DMD: variants seen among roughly 807,000 people sequenced by gnomAD.
DMD encodes the protein dystrophin.
DMD carries 63 observed loss-of-function variants against 330.1 expected under a neutral mutation model. The ratio of observed to expected loss-of-function variants is 0.19; its 90% CI spans 0.16 to 0.24. The LOEUF (loss-of-function observed/expected upper bound fraction) is 0.24. Ranked by LOEUF, DMD falls within the 10% of genes least tolerant of loss-of-function variation. DMD has a pLI of 1.00. For synonymous variants in DMD, 1,223 were observed against 959.8 expected (o/e 1.27, Z -5.07); for missense variants, 3,344 against 2,684.1 (o/e 1.25, Z -5.43).
At chrX:31,967,297 GGTGTGTGTGTGT>G (rs746437287) in intron 45 of DMD, among the ~76,000 whole-genome samples, 2,106 of 74,539 alleles carry the variant, frequency 0.028, 47 homozygotes, top group Middle Eastern at 0.07. Flanking sequence ...TTTGGCAAGG[GGTGTGTGTGTGT>G]GTGTGTGTGT....
intron 7 of DMD, among the ~76,000 whole-genome samples, chrX:32,771,854 G>A (rs1327062087): frequency 2.7e-5 from 3 of 111,653 alleles, no homozygotes; most frequent in South Asian, 3.7e-4. Context: ...TTCTTCTCAA[G>A]GATGGGCTCA....
rs769249649 is a variant in DMD at position 31,929,617 on chromosome X, C to A, written c.6891G>T (p.Gln2297His). Residue 2297 changes from glutamine (Q) to histidine (H), a missense_variant, in exon 47 of 79, where the codon CAG (glutamine) becomes CAT (histidine). Physicochemically the swap from Gln to His is conservative, Grantham distance 24. Transcript: ENST00000357033. Reference protein sequence around the residue: ...EQDKLENKLKQTNLQWIKVSR... With the variant: ...EQDKLENKLKHTNLQWIKVSR... The stretch of plus-strand genomic sequence containing the variant: ...TAACCTTTATCCACTGGAGATTTGT[C>A]TGCTTGAGCTTATTTTCAAGTTTAT... 8 of 1,211,188 alleles carry A rather than the reference C, an allele frequency of 6.6e-6. No individual in the cohort carries two copies. The highest frequency in any genetic ancestry group is 5.3e-5 in the South Asian group (3 of 56,981).
chrX:32,671,862 T>G (rs1170842892), intron 9 of DMD, among the ~76,000 whole-genome samples: 1 of 112,069 alleles, frequency 8.9e-6, no homozygotes, highest in East Asian at 2.8e-4. Context: ...ACTTTTTATA[T>G]GCTTATGCTT....
intron 7 of DMD, among the ~76,000 whole-genome samples, chrX:32,701,705 G>A (rs1013348666): frequency 1.8e-5 from 2 of 111,120 alleles, no homozygotes; most frequent in Non-Finnish European, 3.8e-5. Flanking sequence ...TTGAGCCTGT[G>A]CCTATTCACT....
chrX:32,905,170 G>T (rs978192218), intron 2 of DMD, among the ~76,000 whole-genome samples: 1 of 111,582 alleles, frequency 9.0e-6, no homozygotes, highest in East Asian at 2.8e-4. Flanking sequence ...TAGAGATGCA[G>T]CAACAGTTTG....
intron 76 of DMD, 142 bp from the exon 77 acceptor site, chrX:31,134,336 G>A: frequency 4.2e-6 from 2 of 478,563 alleles, no homozygotes; most frequent in South Asian, 3.3e-5. Context: ...GCTTAATAAT[G>A]AGGAAGTAAT....
At chrX:31,783,392 T>G (rs182183221) in intron 50 of DMD, among the ~76,000 whole-genome samples, 2 of 111,354 alleles carry the variant, frequency 1.8e-5, no homozygotes, top group Admixed American at 1.9e-4. Context: ...GTTTTCACCT[T>G]AAGCAGAAAA....
chrX:32,547,623 C>A (rs228380), intron 16 of DMD, among the ~76,000 whole-genome samples: 17,773 of 110,551 alleles, frequency 0.16, 1,334 homozygotes, highest in East Asian at 0.39. Flanking sequence ...GAATAAAAAA[C>A]AATCAGTCAT....
intron 62 of DMD, among the ~76,000 whole-genome samples, chrX:31,316,061 C>T (rs73466341): frequency 0.035 from 3,902 of 111,917 alleles, 169 homozygotes; most frequent in African/African-American, 0.12. Flanking sequence ...AGTTATACTC[C>T]TTATCATATT....
intron 55 of DMD, among the ~76,000 whole-genome samples, chrX:31,578,608 G>A (rs1370115328): frequency 1.8e-5 from 2 of 111,949 alleles, no homozygotes; most frequent in African/African-American, 6.5e-5. Flanking sequence ...AAGTCTGTAA[G>A]TCACAGAATT....
intron 55 of DMD, among the ~76,000 whole-genome samples, chrX:31,579,364 C>T (rs61001630): frequency 0.15 from 16,386 of 111,815 alleles, 924 homozygotes; most frequent in Middle Eastern, 0.23. Context: ...TAGAGCCATA[C>T]TGAATAATTT....
At chrX:32,924,918 T>C (rs2088822073) in intron 2 of DMD, among the ~76,000 whole-genome samples, 1 of 110,855 alleles carries the variant, frequency 9.0e-6, no homozygotes, top group African/African-American at 3.3e-5. Flanking sequence ...AATATATGTG[T>C]AAATTTTTAG....
chrX:32,947,419 G>A (rs1350224960), intron 2 of DMD, among the ~76,000 whole-genome samples: 4 of 111,356 alleles, frequency 3.6e-5, no homozygotes, highest in Admixed American at 1.9e-4. Flanking sequence ...ATCATTTGGG[G>A]CCACTTTCCC....
chrX:31,655,422 G>A (rs1054369052), intron 54 of DMD, among the ~76,000 whole-genome samples: 3 of 111,134 alleles, frequency 2.7e-5, no homozygotes, highest in African/African-American at 9.8e-5. Context: ...ATATTAGATT[G>A]CACTTTTGAG....
intron 54 of DMD, among the ~76,000 whole-genome samples, chrX:31,639,574 A>G (rs2079609532): frequency 8.9e-6 from 1 of 111,920 alleles, no homozygotes; most frequent in Non-Finnish European, 1.9e-5. Context: ...AATGCCCCTC[A>G]TGGTATTTGA....
chrX:32,873,966 T>C (rs1026412161), intron 2 of DMD, among the ~76,000 whole-genome samples: 2 of 111,847 alleles, frequency 1.8e-5, no homozygotes, highest in Non-Finnish European at 3.8e-5. Flanking sequence ...ACATGAAACC[T>C]CTGAAGATGT....
intron 44 of DMD, among the ~76,000 whole-genome samples, chrX:32,150,096 G>A (rs2096796800): frequency 8.9e-6 from 1 of 112,242 alleles, no homozygotes; most frequent in South Asian, 3.7e-4. Flanking sequence ...CCAACAGAGC[G>A]ATTAGGGAGC....
chrX:32,969,978 CT>C (rs1375084540), intron 2 of DMD, among the ~76,000 whole-genome samples: 1 of 95,163 alleles, frequency 1.1e-5, no homozygotes, highest in East Asian at 3.3e-4. Flanking sequence ...TGTAATTATA[CT>C]TTTAATTTTG....
intron 7 of DMD, among the ~76,000 whole-genome samples, chrX:32,724,621 C>A (rs1289080613): frequency 9.0e-6 from 1 of 111,385 alleles, no homozygotes; most frequent in Admixed American, 9.6e-5. Context: ...ACAGTTGAAC[C>A]ATGTAGCTCA....
Sources: allele counts gnomAD v4.1 joint callset (sites outside exome capture counted in the v4.1 genomes callset), GRCh38; gene constraint gnomAD v4.1.1; transcripts MANE v1.5; gene names NCBI Gene and HGNC (gene_info 2026-07-23, HGNC 2026-07-21).